Variants in PUM1 observed in about 807,000 individuals in gnomAD.
PUM1 encodes the protein pumilio homolog 1.
In PUM1, 13 loss-of-function variants were observed where a neutral mutation model predicts 131.8. The observed-to-expected ratio is 0.10, with a 90% CI of 0.06 to 0.16. PUM1 has a LOEUF of 0.16. PUM1 is among the 10% of genes least tolerant of loss of function. The pLI, the probability that PUM1 is intolerant of heterozygous loss-of-function variation, is 1.00. For missense variants in PUM1, 961 were observed against 1,512.4 expected (o/e 0.64, Z 6.05); for synonymous variants, 509 against 556.5 (o/e 0.91, Z 1.20).
chr1:30,965,926 A>C, intron 13 of PUM1, 56 bp downstream of exon 13: 2 of 1,526,150 alleles, frequency 1.3e-6, no homozygotes, highest in Non-Finnish European at 1.8e-6. Flanking sequence ...GTATTCCAGA[A>C]GGATTGTAAA....
rs545677917 is a variant in PUM1 at position 30,978,732 on chromosome 1, C to T, written c.1354+1330G>A. On this transcript the variant is annotated intron_variant, in intron 9 of 21. Coordinates refer to ENST00000426105, the MANE Select transcript of PUM1 (RefSeq NM_001020658.2). ...TACATTTATGGTCCCATCACGGTGA[C>T]GGTAACTGTGCAACACACAGTCAAA... is the stretch of plus-strand genomic sequence containing the variant. Among the ~76,000 whole-genome samples, 9 of 152,246 alleles carry T rather than the reference C, an allele frequency of 5.9e-5. No homozygotes were observed. In the South Asian group the frequency reaches 6.2e-4, roughly 11 times the overall value.
chr1:30,967,143 G>A, intron 12 of PUM1, 24 bp downstream of exon 12: 2 of 1,608,892 alleles, frequency 1.2e-6, no homozygotes, highest in South Asian at 2.2e-5. Flanking sequence ...TCTCTGGCAG[G>A]AGTCCACTCA....
At chr1:31,035,910 T>C (rs1643595338) in intron 2 of PUM1, among the ~76,000 whole-genome samples, 1 of 152,234 alleles carries the variant, frequency 6.6e-6, no homozygotes, top group Admixed American at 6.5e-5. Flanking sequence ...TATGAATGAA[T>C]GTTCATATCA....
chr1:31,063,165 GA>G (rs1644405749), intron 1 of PUM1, among the ~76,000 whole-genome samples: 1 of 152,010 alleles, frequency 6.6e-6, no homozygotes, highest in South Asian at 2.1e-4. Flanking sequence ...AGGAAATCTC[GA>G]CCTAACAATC....
intron 10 of PUM1, among the ~76,000 whole-genome samples, chr1:30,969,329 A>G (rs545554540): frequency 3.4e-5 from 5 of 147,374 alleles, no homozygotes; most frequent in East Asian, 1.9e-4. Flanking sequence ...AAAAAAAAAA[A>G]AAAAAAAGAA....
intron 3 of PUM1, among the ~76,000 whole-genome samples, chr1:31,020,769 T>C (rs570059746): frequency 1.5e-4 from 23 of 152,300 alleles, no homozygotes; most frequent in Admixed American, 3.9e-4. Context: ...AAATATTTCA[T>C]AGATATGCCT....
At chr1:30,952,704 A>C (rs1001682788) in intron 15 of PUM1, among the ~76,000 whole-genome samples, 9 of 35,316 alleles carry the variant, frequency 2.5e-4, no homozygotes, top group South Asian at 1.0e-3. Context: ...CGGGAGGGGC[A>C]GGGGTGCAGG....
intron 5 of PUM1, among the ~76,000 whole-genome samples, chr1:30,998,945 A>C (rs1642084027): frequency 1.3e-5 from 2 of 152,212 alleles, no homozygotes; most frequent in African/African-American, 2.4e-5. Context: ...AAAATTTTAC[A>C]CTTCTGAAAA....
At chr1:31,036,290 T>C (rs1187107696) in intron 2 of PUM1, among the ~76,000 whole-genome samples, 1 of 152,142 alleles carries the variant, frequency 6.6e-6, no homozygotes, top group Non-Finnish European at 1.5e-5. Flanking sequence ...CAGGCTGGTC[T>C]TGAACTCCGA....
chr1:30,977,196 T>C (rs888535692), intron 9 of PUM1, among the ~76,000 whole-genome samples: 1 of 152,256 alleles, frequency 6.6e-6, no homozygotes, highest in African/African-American at 2.4e-5. Flanking sequence ...AACTGTGTGT[T>C]ATGTGCCTGT....
chr1:30,961,360 A>AG (rs1208425089), intron 14 of PUM1, among the ~76,000 whole-genome samples: 1 of 151,666 alleles, frequency 6.6e-6, no homozygotes, highest in East Asian at 1.9e-4. Flanking sequence ...AAAAAAAAAA[A>AG]AAAAATTATT....
intron 2 of PUM1, 126 bp from the exon 3 acceptor site, chr1:31,028,990 T>C: frequency 1.4e-6 from 1 of 740,520 alleles, no homozygotes; most frequent in South Asian, 1.5e-5. Flanking sequence ...ATAGCAATGA[T>C]CAAGTGACTA....
intron 2 of PUM1, among the ~76,000 whole-genome samples, chr1:31,040,006 T>C (rs1042849395): frequency 2.0e-5 from 3 of 152,098 alleles, no homozygotes; most frequent in African/African-American, 7.2e-5. Flanking sequence ...TAATAATAAA[T>C]ATTAAAAACA....
intron 17 of PUM1, among the ~76,000 whole-genome samples, chr1:30,945,795 A>T (rs757529635): frequency 3.0e-4 from 45 of 152,066 alleles, no homozygotes; most frequent in Non-Finnish European, 5.9e-4. Flanking sequence ...TTTTTATTTT[A>T]TTTTTTTTGA....
chr1:30,948,010 C>T (rs1639755243), intron 17 of PUM1, among the ~76,000 whole-genome samples: 1 of 151,838 alleles, frequency 6.6e-6, no homozygotes, highest in African/African-American at 2.4e-5. Flanking sequence ...AGTGCACCAC[C>T]ATGCCCAGCC....
At chr1:31,062,728 T>C (rs1439735876) in intron 1 of PUM1, among the ~76,000 whole-genome samples, 2 of 152,080 alleles carry the variant, frequency 1.3e-5, no homozygotes, top group Non-Finnish European at 2.9e-5. Context: ...AGTCTACTGC[T>C]ACAAATGCTT....
intron 2 of PUM1, among the ~76,000 whole-genome samples, chr1:31,057,779 G>A (rs2123999301): frequency 6.7e-6 from 1 of 150,308 alleles, no homozygotes; most frequent in East Asian, 1.9e-4. Context: ...GGGATCAGAG[G>A]AAGTATAATA....
At chr1:30,942,980 T>C (rs1469971440) in intron 18 of PUM1, among the ~76,000 whole-genome samples, 1 of 152,200 alleles carries the variant, frequency 6.6e-6, no homozygotes, top group East Asian at 1.9e-4. Context: ...GTTCCTGTAC[T>C]CCTAGCCTTA....
intron 5 of PUM1, among the ~76,000 whole-genome samples, chr1:30,997,837 A>G (rs1642038356): frequency 6.6e-6 from 1 of 152,070 alleles, no homozygotes; most frequent in Non-Finnish European, 1.5e-5. Flanking sequence ...CCCCAGTAGC[A>G]AAGATTACCG....
Sources: gnomAD v4.1 joint callset for allele counts (sites outside exome capture counted in the v4.1 genomes callset) on GRCh38, gnomAD v4.1.1 for gene constraint, MANE v1.5 for transcripts, NCBI Gene and HGNC (gene_info 2026-07-23, HGNC 2026-07-21) for gene names.